ARHGEF4: variants seen among roughly 807,000 people sequenced by gnomAD.
ARHGEF4 encodes Rho guanine nucleotide exchange factor 4.
A neutral mutation model predicts 162.0 loss-of-function variants in ARHGEF4; 119 were observed. The ratio of observed to expected loss-of-function variants is 0.73; its 90% CI spans 0.63 to 0.86. ARHGEF4 has a LOEUF of 0.86. Among genes scored for constraint, ARHGEF4 ranks in the 40% least tolerant of loss-of-function variants. The probability of loss-of-function intolerance (pLI) is 0.00; values close to 1 mark genes in which losing one functional copy is unlikely to be tolerated. For synonymous variants in ARHGEF4, 1,014 were observed against 979.9 expected (o/e 1.03, Z -0.65); for missense variants, 2,488 against 2,456.0 (o/e 1.01, Z -0.28).
chr2:130,933,502 G>C (rs1449793900), intron 3 of ARHGEF4, among the ~76,000 whole-genome samples: 1 of 152,140 alleles, frequency 6.6e-6, no homozygotes, highest in African/African-American at 2.4e-5. Flanking sequence ...TCGATCTGTA[G>C]ATCACTTGGG....
At chr2:130,942,618 C>T (rs550882332) in intron 3 of ARHGEF4, among the ~76,000 whole-genome samples, 4 of 152,218 alleles carry the variant, frequency 2.6e-5, no homozygotes, top group South Asian at 2.1e-4. Flanking sequence ...ATAACGCATA[C>T]GTTGAGTGAA....
At chr2:130,960,420 AG>A (rs1684561968) in intron 4 of ARHGEF4, among the ~76,000 whole-genome samples, 1 of 152,212 alleles carries the variant, frequency 6.6e-6, no homozygotes, top group African/African-American at 2.4e-5. Context: ...CATGCTGTAC[AG>A]GTTTGCAGCC....
At chr2:130,870,048 C>A (rs989965538) in intron 1 of ARHGEF4, among the ~76,000 whole-genome samples, 1 of 152,176 alleles carries the variant, frequency 6.6e-6, no homozygotes, top group African/African-American at 2.4e-5. Flanking sequence ...AGAGGCTCAG[C>A]GTTTTGGGGC....
intron 4 of ARHGEF4, among the ~76,000 whole-genome samples, chr2:130,964,631 C>T (rs1353636939): frequency 2.0e-5 from 3 of 152,250 alleles, no homozygotes; most frequent in Non-Finnish European, 4.4e-5. Context: ...GCTTTACCTA[C>T]CGCAGCTGCT....
chr2:131,033,860 G>A (rs142854059), intron 5 of ARHGEF4, among the ~76,000 whole-genome samples: 1 of 152,242 alleles, frequency 6.6e-6, no homozygotes, highest in African/African-American at 2.4e-5. Context: ...GCACCCACAT[G>A]TTGTACATAG....
Position 131,008,904 on chromosome 2 carries a change from T to C in ARHGEF4, c.3986-19041T>C, listed in dbSNP as rs538618705. Among the ~76,000 whole-genome samples the C allele has an allele frequency of 3.3e-5, 5 of 152,348 alleles. No individual in the cohort carries two copies. In the East Asian group the frequency reaches 5.8e-4, roughly 18 times the overall value. ...CTATAAGCCCCACAATATAATGTTA[T>C]GATTTTTGCTTTAAATTGCTATGTA... is the stretch of plus-strand genomic sequence containing the variant. On this transcript the variant is annotated intron_variant, in intron 4 of 13. Transcript: ENST00000409359.
At chr2:130,945,716 G>C (rs1683572059) in intron 3 of ARHGEF4, among the ~76,000 whole-genome samples, 2 of 152,170 alleles carry the variant, frequency 1.3e-5, no homozygotes, top group African/African-American at 4.8e-5. Context: ...ACCTGCTGCT[G>C]TTTCCCTCTA....
rs997132396 is a variant in ARHGEF4, at chr2:130,942,242, C to T, written c.3859-4267C>T. 5.4e-4 allele frequency among the ~76,000 whole-genome samples: 82 copies of T among 151,070 alleles called. 2 individuals are homozygous for T. Among genetic ancestry groups the T allele is most frequent in the Non-Finnish European group, 1.9e-4 (13 of 67,802 alleles). ...CCAGCTCATTGCAACCTCCTCCTCCCGGGTTCATGCCATTCTCCTGCCTCA... is the reference window on the plus strand; with the variant it reads ...CCAGCTCATTGCAACCTCCTCCTCCTGGGTTCATGCCATTCTCCTGCCTCA... On this transcript the variant is annotated intron_variant, in intron 3 of 13. Transcript: ENST00000409359.
At position 130,917,618 on chromosome 2, in the gene ARHGEF4, C is replaced by G. The variant is rs375941185; in HGVS notation, c.3552+120C>G. 1.3e-4 allele frequency: 174 copies of G among 1,303,042 alleles called. No homozygotes were observed. The African/African-American group carries it at 2.3e-3, about 17-fold the overall frequency. The allele number at this position is 1,303,042 out of a possible 1,614,324, so 80.7% of individuals were successfully genotyped here. ...AGGAAGGCCAGGCCAAAATTGCCCC[C>G]GTTACACTCCCAGCCGCCCCCCCTC... is the stretch of plus-strand genomic sequence containing the variant. On this transcript the variant is annotated intron_variant, in intron 2 of 13. Coordinates refer to ENST00000409359, the MANE Select transcript of ARHGEF4 (RefSeq NM_001367493.1).
Position 130,917,146 on chromosome 2 carries a change from C to T in ARHGEF4, c.3200C>T (p.Ala1067Val). 4 of 1,550,520 alleles carry T rather than the reference C, an allele frequency of 2.6e-6. No homozygotes were observed. The highest frequency in any genetic ancestry group is 3.5e-6 in the Non-Finnish European group (4 of 1,146,966). ...GSPRAQQAGI[A>V]HTLPSSSACC... ...CCTCGGGCCCAGCAGGCTGGAATCG[C>T]ACACACCCTGCCTTCCAGCTCTGCC... Residue 1067 changes from alanine to valine, a missense_variant, in exon 2 of 14, where the codon GCA (alanine) becomes GTA (valine). This residue lies in a region of ARHGEF4 where 1,642 missense variants were observed against 1,481.5 expected (regional missense o/e 1.11). Coordinates refer to ENST00000409359, the MANE Select transcript of ARHGEF4 (RefSeq NM_001367493.1).
At chr2:131,045,485 C>A in intron 13 of ARHGEF4, 39 bp downstream of exon 13, 1 of 1,613,620 alleles carries the variant, frequency 6.2e-7, no homozygotes, top group Non-Finnish European at 8.5e-7. Context: ...GCTGCCCGGT[C>A]CTTACCCTGC....
At chr2:130,838,418 CAACATGTCAA>C (rs1472838040) in intron 1 of ARHGEF4, among the ~76,000 whole-genome samples, 2 of 151,976 alleles carry the variant, frequency 1.3e-5, no homozygotes, top group African/African-American at 4.8e-5. Context: ...CCAGCCTGGC[CAACATGTCAA>C]AACCCCGTCT....
chr2:130,848,140 A>G (rs377361850), intron 1 of ARHGEF4, among the ~76,000 whole-genome samples: 1 of 152,278 alleles, frequency 6.6e-6, no homozygotes, highest in Non-Finnish European at 1.5e-5. Context: ...GGCCATCTGC[A>G]CAGGATGGGT....
chr2:131,008,292 T>G (rs543203197), intron 4 of ARHGEF4, among the ~76,000 whole-genome samples: 8 of 152,360 alleles, frequency 5.3e-5, no homozygotes, highest in African/African-American at 1.9e-4. Context: ...AGTACTTGTT[T>G]TCTTAGGATA....
chr2:130,936,570 T>A (rs1682954687), intron 3 of ARHGEF4, among the ~76,000 whole-genome samples: 1 of 152,190 alleles, frequency 6.6e-6, no homozygotes. Flanking sequence ...TGAACCTTTT[T>A]TTTCTTTCCC....
intron 1 of ARHGEF4, among the ~76,000 whole-genome samples, chr2:130,845,379 A>T (rs1371638491): frequency 6.6e-6 from 1 of 152,006 alleles, no homozygotes; most frequent in East Asian, 2.0e-4. Flanking sequence ...GGCATGGTGC[A>T]CACACCTGTA....
chr2:131,007,241 C>T (rs1171129474), intron 4 of ARHGEF4, among the ~76,000 whole-genome samples: 1 of 152,150 alleles, frequency 6.6e-6, no homozygotes, highest in Non-Finnish European at 1.5e-5. Context: ...TCCAAGGAGC[C>T]TCCAGCTTCT....
intron 4 of ARHGEF4, among the ~76,000 whole-genome samples, chr2:131,021,561 T>C (rs1689137185): frequency 6.6e-6 from 1 of 152,212 alleles, no homozygotes; most frequent in African/African-American, 2.4e-5. Context: ...ATTCAGGACA[T>C]AGGCATGGGC....
chr2:130,856,993 C>A (rs1340143391), intron 1 of ARHGEF4, among the ~76,000 whole-genome samples: 3 of 152,024 alleles, frequency 2.0e-5, no homozygotes, highest in Admixed American at 6.6e-5. Flanking sequence ...GAGGCCGAGG[C>A]GGGTGGATCA....
Sources: gnomAD v4.1 joint callset for allele counts (sites outside exome capture counted in the v4.1 genomes callset) on GRCh38, gnomAD v4.1.1 for gene constraint, gnomAD v4.1.1 regional missense constraint, MANE v1.5 for transcripts, NCBI Gene and HGNC (gene_info 2026-07-23, HGNC 2026-07-21) for gene names.